The following ZHX2 variants were observed in gnomAD, a reference collection of about 807,000 sequenced individuals.
ZHX2 encodes zinc fingers and homeoboxes protein 2.
Under a neutral mutation model 21.9 loss-of-function variants are expected in ZHX2, and 6 were observed. The observed-to-expected ratio is 0.27, with a 90% CI of 0.15 to 0.54. The LOEUF is 0.54. Ranked by LOEUF, ZHX2 falls within the 20% of genes least tolerant of loss-of-function variation. The probability of loss-of-function intolerance (pLI) is 0.95; values close to 1 mark genes in which losing one functional copy is unlikely to be tolerated. For synonymous variants in ZHX2, 434 were observed against 437.1 expected (o/e 0.99, Z 0.09); for missense variants, 908 against 1,090.7 (o/e 0.83, Z 2.36).
chr8:122,950,252 A>T (rs1813076724), intron 2 of ZHX2, among the ~76,000 whole-genome samples: 1 of 152,210 alleles, frequency 6.6e-6, no homozygotes, highest in Admixed American at 6.5e-5. Flanking sequence ...TAAAAAAAAG[A>T]ATGAGTTTAT....
At position 122,951,812 on chromosome 8, in the gene ZHX2, A is replaced by G; in HGVS notation, c.302A>G (p.His101Arg). The G allele has an allele frequency of 1.2e-6, 2 of 1,614,188 alleles. No homozygotes were observed. The highest frequency in any genetic ancestry group is 1.7e-6 in the Non-Finnish European group (2 of 1,180,046). ...TTCACGGAGCATGTCGACATGCAGC[A>G]TCCCAACGTGATTCTCAACCCCCTC... Reference protein sequence around the residue: ...NEFTEHVDMQHPNVILNPLYV... With the variant: ...NEFTEHVDMQRPNVILNPLYV... The change falls in exon 3 of 4, where the codon CAT becomes CGT. Residue 101 changes from histidine to arginine, a missense_variant. Physicochemically the swap from His to Arg is conservative, Grantham distance 29. Transcript: ENST00000314393.
chr8:122,789,823 G>A (rs1817475830), intron 1 of ZHX2, among the ~76,000 whole-genome samples: 1 of 152,308 alleles, frequency 6.6e-6, no homozygotes, highest in East Asian at 1.9e-4. Flanking sequence ...TTGTAGAACT[G>A]CCTGTTACTT....
chr8:122,824,716 G>A (rs1426791752), intron 1 of ZHX2, among the ~76,000 whole-genome samples: 3 of 152,208 alleles, frequency 2.0e-5, no homozygotes, highest in Non-Finnish European at 1.5e-5. Flanking sequence ...TATGGCTGCT[G>A]TAACAAATGA....
At chr8:122,852,851 TA>T (rs1818934058) in intron 1 of ZHX2, among the ~76,000 whole-genome samples, 1 of 152,056 alleles carries the variant, frequency 6.6e-6, no homozygotes, top group East Asian at 1.9e-4. Flanking sequence ...CGGTGGTTTG[TA>T]AAAAATAAGA....
intron 3 of ZHX2, among the ~76,000 whole-genome samples, chr8:122,960,951 G>A (rs1166009063): frequency 1.3e-5 from 2 of 152,212 alleles, no homozygotes; most frequent in Admixed American, 6.5e-5. Context: ...GTGGAAAATG[G>A]AGGCTGGATG....
chr8:122,953,276 A>G lies in ZHX2; in HGVS notation c.1766A>G (p.Gln589Arg), dbSNP rs1813184843. ...ERRKLRDSME[Q>R]AVLDSMGSGK... is the part of the protein sequence containing the mutation. ...CGGAAGCTTCGAGACAGCATGGAACAAGCTGTCTTGGATTCCATGGGGTCT... is the reference window on the plus strand; with the variant it reads ...CGGAAGCTTCGAGACAGCATGGAACGAGCTGTCTTGGATTCCATGGGGTCT... Residue 589 changes from glutamine to arginine, a missense_variant, in exon 3 of 4, where the codon CAA becomes CGA. Gln to Arg is a conservative substitution (Grantham distance 43). Around this residue, in one of 4 missense-constraint regions of ZHX2, gnomAD observed 431 missense variants for 428.6 expected, o/e 1.01. Coordinates refer to ENST00000314393, the MANE Select transcript of ZHX2 (RefSeq NM_014943.5). The surrounding 1 kb of genome is among the most constrained non-coding windows in gnomAD (Gnocchi z 4.6). 6.2e-7 allele frequency: 1 copy of G among 1,614,082 alleles called. No individual in the cohort carries two copies. Among genetic ancestry groups the G allele is most frequent in the Non-Finnish European group, 8.5e-7 (1 of 1,180,018 alleles).
At chr8:122,881,253 T>C (rs1819708721) in intron 2 of ZHX2, among the ~76,000 whole-genome samples, 4 of 152,180 alleles carry the variant, frequency 2.6e-5, no homozygotes, top group African/African-American at 9.7e-5. Context: ...AGGGAGGTCA[T>C]AGTGAAGATG....
chr8:122,874,224 G>A (rs1819512670), intron 2 of ZHX2, among the ~76,000 whole-genome samples: 1 of 152,144 alleles, frequency 6.6e-6, no homozygotes, highest in Non-Finnish European at 1.5e-5. Flanking sequence ...ACAGGTTCCA[G>A]GGATTAGGGC....
rs1439130801 is a variant in ZHX2, at chr8:122,951,820, G to A, written c.310G>A (p.Val104Met). Residue 104 changes from valine to methionine, a missense_variant, in exon 3 of 4, where the codon GTG (valine) becomes ATG (methionine). Physicochemically the swap from Val to Met is conservative, Grantham distance 21. This residue lies in a region of ZHX2 where 220 missense variants were observed against 251.4 expected (regional missense o/e 0.88). Coordinates refer to ENST00000314393, the MANE Select transcript of ZHX2 (RefSeq NM_014943.5). ...TEHVDMQHPN[V>M]ILNPLYVCAE... ...GCATGTCGACATGCAGCATCCCAAC[G>A]TGATTCTCAACCCCCTCTACGTGTG... is the stretch of plus-strand genomic sequence containing the variant. The A allele has an allele frequency of 4.3e-6, 7 of 1,614,084 alleles. No individual in the cohort carries two copies. Among genetic ancestry groups the A allele is most frequent in the Admixed American group, 1.7e-5 (1 of 60,022 alleles).
At chr8:122,956,760 G>A (rs1321692304) in intron 3 of ZHX2, among the ~76,000 whole-genome samples, 1 of 152,174 alleles carries the variant, frequency 6.6e-6, no homozygotes, top group African/African-American at 2.4e-5. Flanking sequence ...TGAATAGAAA[G>A]ATGCTTAGTG....
At chr8:122,886,270 G>A (rs1819840896) in intron 2 of ZHX2, among the ~76,000 whole-genome samples, 1 of 152,168 alleles carries the variant, frequency 6.6e-6, no homozygotes, top group Admixed American at 6.5e-5. Flanking sequence ...ATAACATTCT[G>A]GCACAGGCAA....
chr8:122,892,617 A>G (rs1820009139), intron 2 of ZHX2, among the ~76,000 whole-genome samples: 1 of 151,904 alleles, frequency 6.6e-6, no homozygotes, highest in Non-Finnish European at 1.5e-5. Flanking sequence ...GTGTGTTTTC[A>G]TCGTGGTAGT....
chr8:122,858,627 T>C (rs573207951), intron 1 of ZHX2, among the ~76,000 whole-genome samples: 9 of 141,562 alleles, frequency 6.4e-5, no homozygotes, highest in Non-Finnish European at 1.4e-4. Flanking sequence ...CTCCTTTTTT[T>C]TTCTTTCTTT....
At chr8:122,949,910 A>G (rs767421469) in intron 2 of ZHX2, among the ~76,000 whole-genome samples, 8 of 152,104 alleles carry the variant, frequency 5.3e-5, no homozygotes, top group African/African-American at 1.7e-4. Context: ...ACAAACAAAA[A>G]TCCAAAAAAC....
intron 2 of ZHX2, among the ~76,000 whole-genome samples, chr8:122,906,032 A>G (rs1163454684): frequency 6.6e-6 from 1 of 152,230 alleles, no homozygotes; most frequent in Non-Finnish European, 1.5e-5. Context: ...AATGAGTTAG[A>G]AAATGTGGAA....
Position 122,953,625 on chromosome 8 carries a change from C to T in ZHX2, c.2115C>T (p.Tyr705=), listed in dbSNP as rs149065954. Reference sequence around the variant, plus strand: ...AGCCCATGGCAGATGATCACGGCTACGATGCCGTAGCAAGGAAAGCAACAA... The same window carrying T: ...AGCCCATGGCAGATGATCACGGCTATGATGCCGTAGCAAGGAAAGCAACAA... ...QHQPMADDHG[Y]DAVARKATKP... The change falls in exon 3 of 4, where the codon TAC becomes TAT. Residue 705 remains tyrosine (Y), a synonymous_variant. Transcript: ENST00000314393. The surrounding 1 kb of genome is among the most constrained non-coding windows in gnomAD (Gnocchi z 4.6). 7.2e-5 allele frequency: 117 copies of T among 1,614,156 alleles called. 1 individual carries two copies. In the African/African-American group the frequency reaches 1.2e-3, roughly 16 times the overall value.
chr8:122,898,612 A>T (rs1283912550), intron 2 of ZHX2, among the ~76,000 whole-genome samples: 1 of 152,188 alleles, frequency 6.6e-6, no homozygotes, highest in Non-Finnish European at 1.5e-5. Flanking sequence ...TTCAAGTCCA[A>T]ATAGGAGCTA....
intron 1 of ZHX2, among the ~76,000 whole-genome samples, chr8:122,846,794 T>C (rs1490389239): frequency 1.3e-5 from 2 of 152,100 alleles, no homozygotes; most frequent in Admixed American, 6.5e-5. Flanking sequence ...ACACCAACAA[T>C]AGGCATTTGT....
intron 1 of ZHX2, among the ~76,000 whole-genome samples, chr8:122,817,447 ACCAGATGTTATGCTC>A (rs921914896): frequency 1.5e-4 from 23 of 152,194 alleles, no homozygotes; most frequent in African/African-American, 5.1e-4. Flanking sequence ...AGAGGCTGCA[ACCAGATGTTATGCTC>A]TCTGTATTGC....
Sources: gnomAD v4.1 joint callset for allele counts (sites outside exome capture counted in the v4.1 genomes callset) on GRCh38, gnomAD v4.1.1 for gene constraint, gnomAD v4.1.1 regional missense constraint, Gnocchi (gnomAD v3.1) non-coding constraint, MANE v1.5 for transcripts, NCBI Gene and HGNC (gene_info 2026-07-23, HGNC 2026-07-21) for gene names.